Variants in DDO observed in about 807,000 individuals in gnomAD.
DDO encodes D-aspartate oxidase, also known as D-aspartate oxidase, DDO.
Under a neutral mutation model 16.8 loss-of-function variants are expected in DDO, and 16 were observed. The observed-to-expected ratio is 0.95, with a 90% confidence interval of 0.65 to 1.45. The LOEUF (loss-of-function observed/expected upper bound fraction) is 1.45. DDO is among the 40% of genes most tolerant of loss of function. The pLI is 0.00. For missense variants in DDO, 429 were observed against 420.3 expected, an observed-to-expected ratio of 1.02 and a Z score of -0.18; for synonymous variants, 180 against 167.2, an observed-to-expected ratio of 1.08 and a Z score of -0.59.
chr6:110,413,331 A>T lies in DDO; in HGVS notation c.132T>A (p.Ser44Arg). Residue 44 changes from serine to arginine, a missense_variant, in exon 2 of 5, where the codon AGT (serine) becomes AGA (arginine). Physicochemically the swap from Ser to Arg is moderately radical, Grantham distance 110. Coordinates refer to ENST00000368924, the MANE Select transcript of DDO (RefSeq NM_001372108.2). ...ISDKFTPDTTSDVAAGMLIPH... is the reference protein window; with the variant it reads ...ISDKFTPDTTRDVAAGMLIPH... ...GAATAAGCATTCCGGCTGCCACATCACTGGTGGTATCTGGAGTAAACTTGT... is the reference window on the plus strand; with the variant it reads ...GAATAAGCATTCCGGCTGCCACATCTCTGGTGGTATCTGGAGTAAACTTGT... 2.5e-6 allele frequency: 4 copies of T among 1,614,160 alleles called. No homozygotes were observed. The highest frequency in any genetic ancestry group is 3.4e-6 in the Non-Finnish European group (4 of 1,180,036).
chr6:110,402,294 A>G (rs746777479), intron 4 of DDO, among the ~76,000 whole-genome samples: 1 of 152,254 alleles, frequency 6.6e-6, no homozygotes, highest in African/African-American at 2.4e-5. Flanking sequence ...TGTTGTATCA[A>G]TATAATGATA....
In DDO at chr6:110,408,260, A is replaced by C. The variant is rs1773724002; in HGVS notation, c.281+74T>G. The C allele has an allele frequency of 5.7e-6, 8 of 1,407,210 alleles. No individual in the cohort carries two copies. In the East Asian group the frequency reaches 1.8e-4, roughly 32 times the overall value. The allele number at this position is 1,407,210 out of a possible 1,614,324, so 87.2% of individuals were successfully genotyped here. On this transcript the variant is annotated intron_variant, in intron 3 of 4. Transcript: ENST00000368924. ...TCTGCTCACAACAGCTACTCAGTAA[A>C]TATTTTATGTTGAACTCTAATGCCT...
Position 110,408,359 on chromosome 6 carries a change from C to G in DDO, c.256G>C (p.Asp86His). The G allele has an allele frequency of 6.2e-7, 1 of 1,614,172 alleles. No individual in the cohort carries two copies. The highest frequency in any genetic ancestry group is 8.5e-7 in the Non-Finnish European group (1 of 1,180,018). Residue 86 changes from aspartate (D) to histidine (H), a missense_variant, in exon 3 of 5, where the codon GAT (aspartate) becomes CAT (histidine). Transcript: ENST00000368924. ...FAIANSAEAG[D>H]AGVHLVSGWQ... ...CCTGATACCAAATGAACACCAGCAT[C>G]TCCAGCTTCTGCAGAATTGGCAATT...
chr6:110,415,485 T>G lies in DDO; in HGVS notation c.-23A>C, dbSNP rs574664686. The G allele has an allele frequency of 7.6e-5, 122 of 1,614,168 alleles. No homozygotes were observed. In the South Asian group the frequency reaches 1.3e-3, roughly 17 times the overall value. The stretch of plus-strand genomic sequence containing the variant: ...CAAGTACCTGTCTCTGAAAAAGCAG[T>G]CTTGGAAGCCACCAAAATCTCTGGC... On this transcript the variant is annotated 5_prime_UTR_variant, in exon 1 of 5. Coordinates refer to ENST00000368924, the MANE Select transcript of DDO (RefSeq NM_001372108.2).
At chr6:110,404,480 C>T (rs374864648) in intron 4 of DDO, among the ~76,000 whole-genome samples, 1 of 152,180 alleles carries the variant, frequency 6.6e-6, no homozygotes, top group Non-Finnish European at 1.5e-5. Context: ...AACTAAGATA[C>T]TGTTTCAATA....
intron 3 of DDO, among the ~76,000 whole-genome samples, chr6:110,407,825 T>C (rs1157720958): frequency 2.0e-5 from 3 of 152,246 alleles, no homozygotes; most frequent in Non-Finnish European, 1.5e-5. Context: ...AGAAGTGTGC[T>C]AACAGTTTCA....
intron 4 of DDO, among the ~76,000 whole-genome samples, chr6:110,399,981 C>A (rs1210885282): frequency 6.6e-6 from 1 of 152,174 alleles, no homozygotes; most frequent in Non-Finnish European, 1.5e-5. Flanking sequence ...AGCCGGGAGG[C>A]GGCGTATTCC....
At chr6:110,405,226 C>T (rs1051578215) in intron 3 of DDO, among the ~76,000 whole-genome samples, 1 of 152,130 alleles carries the variant, frequency 6.6e-6, no homozygotes. Flanking sequence ...TTTGTAGAGC[C>T]AGCGTCTTAC....
At chr6:110,399,822 C>A (rs1266389972) in intron 4 of DDO, among the ~76,000 whole-genome samples, 1 of 152,212 alleles carries the variant, frequency 6.6e-6, no homozygotes, top group Non-Finnish European at 1.5e-5. Context: ...CGCAGCACAC[C>A]CTGTGCCTTC....
At chr6:110,403,948 C>T (rs1259396747) in intron 4 of DDO, among the ~76,000 whole-genome samples, 3 of 152,186 alleles carry the variant, frequency 2.0e-5, no homozygotes, top group Non-Finnish European at 4.4e-5. Flanking sequence ...TATCCTATAA[C>T]CTACATCTGG....
Position 110,413,478 on chromosome 6 carries a change from G to T in DDO, c.-4-12C>A. 5 of 1,611,342 alleles carry T rather than the reference G, an allele frequency of 3.1e-6. No individual in the cohort carries two copies. Among genetic ancestry groups the T allele is most frequent in the Non-Finnish European group, 4.2e-6 (5 of 1,179,016 alleles). Reference sequence around the variant, plus strand: ...CTGTGTCCATGAGCCTGTGAGGAGGGAAATGGGAGCTATACCCCTTGTTTT... The same window carrying T: ...CTGTGTCCATGAGCCTGTGAGGAGGTAAATGGGAGCTATACCCCTTGTTTT... On this transcript the variant is annotated splice_polypyrimidine_tract_variant and intron_variant, in intron 1 of 4. Coordinates refer to ENST00000368924, the MANE Select transcript of DDO (RefSeq NM_001372108.2).
At chr6:110,404,724 G>T (rs1470388907) in intron 4 of DDO, 50 bp downstream of exon 4, 15 of 1,589,190 alleles carry the variant, frequency 9.4e-6, no homozygotes, top group Non-Finnish European at 1.3e-5. Context: ...GCTACGAAGT[G>T]ATTTATGGCT....
intron 1 of DDO, 52 bp from the exon 2 acceptor site, chr6:110,413,518 C>A: frequency 6.3e-7 from 1 of 1,580,714 alleles, no homozygotes; most frequent in African/African-American, 1.3e-5. Flanking sequence ...ATTTTCCCAT[C>A]CAGACAAAGT....
chr6:110,389,508 T>C (rs187375378), downstream of DDO, among the ~76,000 whole-genome samples: 643 of 152,300 alleles, frequency 4.2e-3, 3 homozygotes, highest in African/African-American at 0.015. Flanking sequence ...AGTCAGCCCA[T>C]CACACTTACA....
At chr6:110,398,472 G>A (rs560379510) in intron 4 of DDO, among the ~76,000 whole-genome samples, 27 of 151,126 alleles carry the variant, frequency 1.8e-4, no homozygotes, top group African/African-American at 5.4e-4. Context: ...CTCTGCTCTT[G>A]GAATCAGAGG....
chr6:110,415,445 C>T, intron 1 of DDO, 22 bp downstream of exon 1: 1 of 1,613,784 alleles, frequency 6.2e-7, no homozygotes, highest in Middle Eastern at 1.7e-4. Context: ...GACCCCTCAG[C>T]TGAAAGCAAG....
intron 4 of DDO, 116 bp from the exon 5 acceptor site, chr6:110,393,458 C>T (rs950527208): frequency 7.1e-7 from 1 of 1,403,020 alleles, no homozygotes; most frequent in African/African-American, 1.4e-5. Flanking sequence ...TGAACAAACA[C>T]CTCAGGAGCT....
At position 110,408,413 on chromosome 6, in the gene DDO, A is replaced by G; in HGVS notation, c.202T>C (p.Phe68Leu). 6.2e-7 allele frequency: 1 copy of G among 1,614,192 alleles called. No homozygotes were observed. The highest frequency in any genetic ancestry group is 8.5e-7 in the Non-Finnish European group (1 of 1,180,028). Residue 68 changes from phenylalanine to leucine, a missense_variant, in exon 3 of 5, where the codon TTC becomes CTC. By Grantham distance (22) the Phe-to-Leu change is conservative. Transcript: ENST00000368924. ...DTPIHTQKQW[F>L]RETFNHLFAI... ...AAGAGGTGATTAAAGGTTTCTCTGAACCACTGCTTCTGCGTGTGAATGGGT... is the reference window on the plus strand; with the variant it reads ...AAGAGGTGATTAAAGGTTTCTCTGAGCCACTGCTTCTGCGTGTGAATGGGT...
chr6:110,414,511 C>T lies in DDO; in HGVS notation c.-5+956G>A, dbSNP rs578108276. The stretch of plus-strand genomic sequence containing the variant: ...TGCAGGGGACAGACATCCCGGAGCC[C>T]GGGCCAGGTGTCCTGAGGCTGGCAC... On this transcript the variant is annotated intron_variant, in intron 1 of 4. Transcript: ENST00000368924. 3.3e-5 allele frequency among the ~76,000 whole-genome samples: 5 copies of T among 152,366 alleles called. No homozygotes were observed. In the East Asian group the frequency reaches 7.7e-4, roughly 23 times the overall value.
Sources: gnomAD v4.1 joint callset for allele counts (sites outside exome capture counted in the v4.1 genomes callset) on GRCh38, gnomAD v4.1.1 for gene constraint, MANE v1.5 for transcripts, NCBI Gene and HGNC (gene_info 2026-07-23, HGNC 2026-07-21) for gene names.